The following TTC27 variants were observed in gnomAD, a reference collection of about 807,000 sequenced individuals.
The protein encoded by TTC27 is tetratricopeptide repeat domain 27, also known as tetratricopeptide repeat protein 27.
Under a neutral mutation model 115.9 loss-of-function variants are expected in TTC27, and 79 were observed. That is an observed-to-expected ratio of 0.68 (90% CI 0.57 to 0.82). The LOEUF is 0.82. Among genes scored for constraint, TTC27 ranks in the 40% least tolerant of loss-of-function variants. The pLI is 0.00. For missense variants in TTC27, 1,054 were observed against 993.1 expected, an observed-to-expected ratio of 1.06 and a Z score of -0.82; for synonymous variants, 401 against 356.0, an observed-to-expected ratio of 1.13 and a Z score of -1.42.
chr2:32,779,941 T>TTA (rs1670119774), intron 14 of TTC27: 1 of 269,990 alleles, frequency 3.7e-6, no homozygotes, highest in African/African-American at 2.2e-5. Flanking sequence ...TGGTCAAAAA[T>TTA]CAGTTTACTG....
intron 16 of TTC27, among the ~76,000 whole-genome samples, chr2:32,789,198 A>T (rs772277938): frequency 3.2e-4 from 49 of 152,242 alleles, no homozygotes; most frequent in Non-Finnish European, 6.2e-4. Context: ...GATTTTAGTT[A>T]ACTTAGATGA....
intron 12 of TTC27, among the ~76,000 whole-genome samples, chr2:32,756,688 A>G (rs1196405788): frequency 2.0e-5 from 3 of 152,152 alleles, no homozygotes; most frequent in African/African-American, 7.2e-5. Flanking sequence ...TTGCCAACTG[A>G]TGTATGTTAG....
intron 18 of TTC27, among the ~76,000 whole-genome samples, chr2:32,815,691 G>C (rs1361521778): frequency 6.6e-6 from 1 of 151,942 alleles, no homozygotes; most frequent in South Asian, 2.1e-4. Context: ...AAATACAGCA[G>C]TTTCTGATCT....
At chr2:32,682,657 A>G (rs2151890447) in intron 9 of TTC27, among the ~76,000 whole-genome samples, 1 of 146,804 alleles carries the variant, frequency 6.8e-6, no homozygotes, top group East Asian at 2.1e-4. Flanking sequence ...AAGAGCAAAT[A>G]TAATAGAAGT....
At chr2:32,812,736 A>G (rs1671359403) in intron 18 of TTC27, 121 bp downstream of exon 18, 1 of 699,646 alleles carries the variant, frequency 1.4e-6, no homozygotes, top group South Asian at 1.9e-5. Flanking sequence ...CATTATATTG[A>G]CATTGTTGTA....
At chr2:32,797,318 C>A (rs1670741267) in intron 16 of TTC27, among the ~76,000 whole-genome samples, 1 of 151,860 alleles carries the variant, frequency 6.6e-6, no homozygotes, top group South Asian at 2.1e-4. Context: ...TAACTAGGAC[C>A]ACAGGAGCAT....
intron 10 of TTC27, among the ~76,000 whole-genome samples, chr2:32,732,865 C>G (rs1027675678): frequency 2.0e-5 from 3 of 151,670 alleles, no homozygotes; most frequent in African/African-American, 7.3e-5. Flanking sequence ...AGTCAACTGG[C>G]AAAAAAAGAA....
chr2:32,793,709 G>A (rs1319162130), intron 16 of TTC27, among the ~76,000 whole-genome samples: 1 of 152,032 alleles, frequency 6.6e-6, no homozygotes, highest in African/African-American at 2.4e-5. Flanking sequence ...TTTTAGTAGA[G>A]ACGGGGTTTC....
intron 12 of TTC27, among the ~76,000 whole-genome samples, chr2:32,755,013 T>C (rs1207097764): frequency 6.6e-6 from 1 of 150,898 alleles, no homozygotes; most frequent in Non-Finnish European, 1.5e-5. Flanking sequence ...GGCTCCTCAC[T>C]TCTCAGATGG....
chr2:32,795,374 T>C (rs1356064859), intron 16 of TTC27, among the ~76,000 whole-genome samples: 1 of 151,878 alleles, frequency 6.6e-6, no homozygotes, highest in Non-Finnish European at 1.5e-5. Flanking sequence ...CAATTAATGT[T>C]GAAAAAGCAT....
At chr2:32,784,085 T>G (rs1357500069) in intron 15 of TTC27, among the ~76,000 whole-genome samples, 1 of 152,198 alleles carries the variant, frequency 6.6e-6, no homozygotes, top group Non-Finnish European at 1.5e-5. Flanking sequence ...CCTTTTTGGT[T>G]TAAAGCAACA....
At position 32,640,316 on chromosome 2, in the gene TTC27, G is replaced by T; in HGVS notation, c.443G>T (p.Gly148Val). 6.2e-7 allele frequency: 1 copy of T among 1,614,064 alleles called. No individual in the cohort carries two copies. Residue 148 changes from glycine to valine, a missense_variant, in exon 4 of 20, where the codon GGT becomes GTT. Physicochemically the swap from Gly to Val is moderately radical, Grantham distance 109 (BLOSUM62 -3). Transcript: ENST00000317907. ...AFVLSLLTLD[G>V]ESIYSLTSKP... ...GTTCTGAGCCTGCTCACTCTAGATG[G>T]TGAATCAATCTACAGCCTGACCTCG...
In TTC27 at chr2:32,683,958, C is replaced by T. The variant is rs75785030; in HGVS notation, c.1119+5036C>T. On this transcript the variant is annotated intron_variant, in intron 9 of 19. Coordinates refer to ENST00000317907, the MANE Select transcript of TTC27 (RefSeq NM_017735.5). ...ATCACAAGGTCAGTAGTTTGTGACCCGCCTGGCCAACATGGTGAAACCCTG... is the reference window on the plus strand; with the variant it reads ...ATCACAAGGTCAGTAGTTTGTGACCTGCCTGGCCAACATGGTGAAACCCTG... Among the ~76,000 whole-genome samples the T allele has an allele frequency of 3.3e-5, 5 of 151,794 alleles. No individual in the cohort carries two copies. In the East Asian group the frequency reaches 5.8e-4, roughly 18 times the overall value.
chr2:32,763,869 A>G (rs1038065562), intron 13 of TTC27, among the ~76,000 whole-genome samples: 6 of 152,228 alleles, frequency 3.9e-5, no homozygotes, highest in African/African-American at 1.4e-4. Context: ...GGATAGTGAA[A>G]GCTGAAGAAA....
intron 9 of TTC27, among the ~76,000 whole-genome samples, chr2:32,686,607 C>G (rs60609676): frequency 6.6e-5 from 10 of 151,600 alleles, no homozygotes; most frequent in Non-Finnish European, 1.3e-4. Flanking sequence ...GTGATCCGCC[C>G]GCCTCAGCCT....
At chr2:32,690,956 A>G (rs890990684) in intron 9 of TTC27, among the ~76,000 whole-genome samples, 3 of 152,192 alleles carry the variant, frequency 2.0e-5, no homozygotes, top group African/African-American at 4.8e-5. Context: ...AGTGTAGCCA[A>G]ACAATCACGC....
intron 16 of TTC27, among the ~76,000 whole-genome samples, chr2:32,797,514 T>TG (rs1322273205): frequency 1.3e-5 from 2 of 152,142 alleles, no homozygotes; most frequent in Non-Finnish European, 2.9e-5. Flanking sequence ...GACTATTCAA[T>TG]GGGGAAATTT....
At chr2:32,725,327 GT>G (rs1668071610) in intron 10 of TTC27, among the ~76,000 whole-genome samples, 1 of 152,154 alleles carries the variant, frequency 6.6e-6, no homozygotes. Context: ...CTATGAGCCT[GT>G]AAAATCAAAA....
At chr2:32,708,301 C>CTTTTTTTTTTTTTTTTTTTTTTTTTTTTT (rs1159740039) in intron 10 of TTC27, among the ~76,000 whole-genome samples, 1 of 80,308 alleles carries the variant, frequency 1.2e-5, no homozygotes, top group Non-Finnish European at 2.5e-5. Context: ...TTTTCTCTAC[C>CTTTTTTTTTTTTTTTTTTTTTTTTTTTTT]TTGTTTTTTT....
Sources: allele counts gnomAD v4.1 joint callset (sites outside exome capture counted in the v4.1 genomes callset), GRCh38; gene constraint gnomAD v4.1.1; transcripts MANE v1.5; gene names NCBI Gene and HGNC (gene_info 2026-07-23, HGNC 2026-07-21).